The following NKAIN3 variants were observed in gnomAD, a reference collection of about 807,000 sequenced individuals.
NKAIN3 encodes the protein sodium/potassium transporting ATPase interacting 3.
A neutral mutation model predicts 30.2 loss-of-function variants in NKAIN3; 25 were observed. The ratio of observed to expected loss-of-function variants is 0.83; its 90% CI spans 0.60 to 1.16. NKAIN3 has a LOEUF of 1.16. NKAIN3 is among the 50% of genes most tolerant of loss of function. The pLI is 0.00. For missense variants in NKAIN3, 225 were observed against 254.1 expected (o/e 0.89, Z 0.78); for synonymous variants, 91 against 89.6 (o/e 1.02, Z -0.09).
intron 6 of NKAIN3, among the ~76,000 whole-genome samples, chr8:62,963,745 G>T (rs2130907386): frequency 6.6e-6 from 1 of 152,320 alleles, no homozygotes; most frequent in South Asian, 2.1e-4. Flanking sequence ...TAGATGAGCA[G>T]AGGAAATGTG....
intron 4 of NKAIN3, among the ~76,000 whole-genome samples, chr8:62,802,720 A>C (rs1450822128): frequency 6.6e-6 from 1 of 152,216 alleles, no homozygotes; most frequent in Non-Finnish European, 1.5e-5. Context: ...TGAGCAAAAT[A>C]ACCAGCTAAC....
chr8:62,687,806 G>A (rs1388154285), intron 3 of NKAIN3, among the ~76,000 whole-genome samples: 2 of 152,152 alleles, frequency 1.3e-5, no homozygotes, highest in Non-Finnish European at 2.9e-5. Context: ...GTGTCCCTAA[G>A]CTTTCAACTT....
intron 3 of NKAIN3, among the ~76,000 whole-genome samples, chr8:62,660,176 T>C (rs534306930): frequency 5.9e-5 from 9 of 152,250 alleles, no homozygotes; most frequent in African/African-American, 1.9e-4. Context: ...GCAACAATCA[T>C]GAGACCTGGG....
At chr8:62,740,641 A>G (rs1377145263) in intron 3 of NKAIN3, among the ~76,000 whole-genome samples, 1 of 2,132 alleles carries the variant, frequency 4.7e-4, no homozygotes, top group East Asian at 0.021. Flanking sequence ...AGAAGTGAAT[A>G]TTGTTTTTTT....
rs901593840 is a variant in NKAIN3 at position 62,974,236 on chromosome 8, T to C, written c.*8829T>C. Among the ~76,000 whole-genome samples, 1 of 152,204 alleles carries C rather than the reference T, an allele frequency of 6.6e-6. No homozygotes were observed. Among genetic ancestry groups the C allele is most frequent in the Admixed American group, 6.6e-5 (1 of 15,262 alleles). ...TTAGTTTGATGGGAATAGCATTGAA[T>C]CTATAAATTACTTTGGGCAGTATGG... On this transcript the variant is annotated 3_prime_UTR_variant, in exon 7 of 7. Coordinates refer to ENST00000623646, the MANE Select transcript of NKAIN3 (RefSeq NM_001304533.3).
chr8:62,290,804 G>A (rs946601711), intron 1 of NKAIN3, among the ~76,000 whole-genome samples: 4 of 152,158 alleles, frequency 2.6e-5, no homozygotes, highest in African/African-American at 9.7e-5. Flanking sequence ...AATAATTTCA[G>A]AAAGAATGGT....
At chr8:62,850,102 C>T (rs978805247) in intron 4 of NKAIN3, among the ~76,000 whole-genome samples, 3 of 152,096 alleles carry the variant, frequency 2.0e-5, no homozygotes, top group African/African-American at 7.2e-5. Context: ...TTCTCCAGAT[C>T]CTCTCCAGCA....
chr8:62,582,338 C>T (rs1810330826), intron 2 of NKAIN3, among the ~76,000 whole-genome samples: 1 of 152,124 alleles, frequency 6.6e-6, no homozygotes, highest in Non-Finnish European at 1.5e-5. Flanking sequence ...CTCTGTCTTC[C>T]TGGGTGCTTA....
At chr8:62,649,732 G>A (rs1812569651) in intron 3 of NKAIN3, among the ~76,000 whole-genome samples, 1 of 152,086 alleles carries the variant, frequency 6.6e-6, no homozygotes, top group African/African-American at 2.4e-5. Context: ...TGAACTAAAT[G>A]TTTAGAGTGC....
At chr8:62,269,642 C>T (rs1423907273) in intron 1 of NKAIN3, among the ~76,000 whole-genome samples, 4 of 152,142 alleles carry the variant, frequency 2.6e-5, no homozygotes, top group African/African-American at 7.2e-5. Flanking sequence ...TTTATTATCA[C>T]ATTTCTGAAA....
At chr8:62,471,331 T>C (rs971456461) in intron 1 of NKAIN3, among the ~76,000 whole-genome samples, 1 of 152,102 alleles carries the variant, frequency 6.6e-6, no homozygotes, top group Non-Finnish European at 1.5e-5. Context: ...CTGGAGCAAA[T>C]TGCAATATGT....
At chr8:62,541,198 T>C (rs1006537976) in intron 1 of NKAIN3, among the ~76,000 whole-genome samples, 3 of 152,020 alleles carry the variant, frequency 2.0e-5, no homozygotes, top group African/African-American at 7.2e-5. Context: ...ATGCCTGTAG[T>C]CTCAGCTACT....
chr8:62,552,599 C>T (rs924648108), intron 1 of NKAIN3, among the ~76,000 whole-genome samples: 2 of 152,124 alleles, frequency 1.3e-5, no homozygotes, highest in Non-Finnish European at 2.9e-5. Flanking sequence ...TGCCAGTTTT[C>T]CTGCTTCTCT....
intron 6 of NKAIN3, among the ~76,000 whole-genome samples, chr8:62,955,125 C>T (rs577862931): frequency 6.6e-6 from 1 of 152,326 alleles, no homozygotes; most frequent in African/African-American, 2.4e-5. Flanking sequence ...ACACTGATTC[C>T]TCTACCTCCC....
rs557275247 is a variant in NKAIN3 at position 62,863,855 on chromosome 8, C to A, written c.472-54598C>A. ...GTCTGCAATTTTCACTGGATGATAGCCACCTTTGCAGTAGTCCGCAGGGTC... is the reference window on the plus strand; with the variant it reads ...GTCTGCAATTTTCACTGGATGATAGACACCTTTGCAGTAGTCCGCAGGGTC... On this transcript the variant is annotated intron_variant, in intron 4 of 6. Coordinates refer to ENST00000623646, the MANE Select transcript of NKAIN3 (RefSeq NM_001304533.3). 91 of 1,588,982 alleles carry A rather than the reference C, an allele frequency of 5.7e-5. No individual in the cohort carries two copies. In the African/African-American group the frequency reaches 9.8e-4, roughly 17 times the overall value.
chr8:62,829,133 C>T (rs1220723525), intron 4 of NKAIN3, among the ~76,000 whole-genome samples: 1 of 152,094 alleles, frequency 6.6e-6, no homozygotes, highest in East Asian at 1.9e-4. Context: ...TAATACAGAA[C>T]TTAAACCATT....
At chr8:62,750,281 G>A (rs1291495841) in intron 4 of NKAIN3, among the ~76,000 whole-genome samples, 1 of 152,008 alleles carries the variant, frequency 6.6e-6, no homozygotes, top group Non-Finnish European at 1.5e-5. Flanking sequence ...ACTCTCCACC[G>A]AATGAGAGGG....
At chr8:62,925,685 C>T (rs1046052591) in intron 5 of NKAIN3, among the ~76,000 whole-genome samples, 5 of 152,086 alleles carry the variant, frequency 3.3e-5, no homozygotes, top group Admixed American at 6.6e-5. Flanking sequence ...TTTGGGGATC[C>T]GCAAGTCACT....
intron 4 of NKAIN3, among the ~76,000 whole-genome samples, chr8:62,813,607 T>A (rs185062860): frequency 3.9e-5 from 6 of 152,084 alleles, no homozygotes; most frequent in Admixed American, 1.3e-4. Context: ...TTCCTTCTAT[T>A]ACTTTGTTGG....
Sources: gnomAD v4.1 joint callset for allele counts (sites outside exome capture counted in the v4.1 genomes callset) on GRCh38, gnomAD v4.1.1 for gene constraint, MANE v1.5 for transcripts, NCBI Gene and HGNC (gene_info 2026-07-23, HGNC 2026-07-21) for gene names.